Variants in WASHC5 observed in about 807,000 individuals in gnomAD.
WASHC5 encodes the protein WASH complex subunit strumpellin.
Under a neutral mutation model 150.4 loss-of-function variants are expected in WASHC5, and 101 were observed. That is an observed-to-expected ratio of 0.67 (90% CI 0.57 to 0.79). The LOEUF (loss-of-function observed/expected upper bound fraction) is 0.79, where lower values mean the gene tolerates loss of function less well. Ranked by LOEUF, WASHC5 falls within the 30% of genes least tolerant of loss-of-function variation. The pLI is 0.00. For missense variants in WASHC5, 1,195 were observed against 1,396.3 expected (o/e 0.86, Z 2.30); for synonymous variants, 467 against 491.2 (o/e 0.95, Z 0.65).
intron 9 of WASHC5, among the ~76,000 whole-genome samples, chr8:125,069,672 T>C (rs574850123): frequency 6.6e-6 from 1 of 152,328 alleles, no homozygotes; most frequent in Admixed American, 6.5e-5. Flanking sequence ...CGTGACAACC[T>C]GGAAAAGAGG....
chr8:125,052,893 C>T (rs1816286016), intron 17 of WASHC5, among the ~76,000 whole-genome samples: 1 of 152,112 alleles, frequency 6.6e-6, no homozygotes, highest in Non-Finnish European at 1.5e-5. Flanking sequence ...ACCTAATCTA[C>T]CAAACATCAT....
chr8:125,039,765 C>A (rs768660279), intron 24 of WASHC5, 30 bp downstream of exon 24: 2 of 1,446,958 alleles, frequency 1.4e-6, no homozygotes, highest in East Asian at 2.3e-5. Context: ...TCCAAGCCCA[C>A]GGATGGCTGT....
intron 27 of WASHC5, 115 bp downstream of exon 27, chr8:125,032,125 AG>A: frequency 1.7e-6 from 2 of 1,192,018 alleles, no homozygotes; most frequent in South Asian, 2.4e-5. Flanking sequence ...TTTACAGAGA[AG>A]GGTGAGCAAC....
intron 25 of WASHC5, 34 bp downstream of exon 25, chr8:125,038,783 ACCATTCTGTACCC>A: frequency 6.2e-7 from 1 of 1,609,986 alleles, no homozygotes; most frequent in Non-Finnish European, 8.5e-7. Context: ...TGGGCCAAAT[ACCATTCTGTACCC>A]CCATCCCCGC....
rs1563630839 is a variant in WASHC5, at chr8:125,073,188, G to A, written c.1115C>T (p.Ala372Val). ...LLNCLRDCNV[A>V]IRWLMLHTAD... The stretch of plus-strand genomic sequence containing the variant: ...TGTATGAAGCATCAGCCATCGGATG[G>A]CAACATTGCAGTCTCTCAGGCAGTT... Residue 372 changes from alanine (A) to valine (V), a missense_variant, in exon 9 of 29, where the codon GCC becomes GTC. Around this residue, in one of 3 missense-constraint regions of WASHC5, gnomAD observed 997 missense variants for 1,168.1 expected, o/e 0.85. Transcript: ENST00000318410. 1 of 1,614,120 alleles carries A rather than the reference G, an allele frequency of 6.2e-7. No individual in the cohort carries two copies.
At chr8:125,045,145 G>C (rs1816024367) in intron 20 of WASHC5, among the ~76,000 whole-genome samples, 1 of 152,178 alleles carries the variant, frequency 6.6e-6, no homozygotes, top group Non-Finnish European at 1.5e-5. Context: ...CCTAACATTT[G>C]AGACTATGAC....
At chr8:125,044,751 AGAGATGTTAGGACTCAACAG>A (rs1403003192) in intron 20 of WASHC5, 53 bp from the exon 21 acceptor site, 2 of 1,574,220 alleles carry the variant, frequency 1.3e-6, no homozygotes, top group East Asian at 4.5e-5. Flanking sequence ...TCATCCTTAA[AGAGATGTTAGGACTCAACAG>A]GACATGCGGC....
At chr8:125,067,826 T>G in intron 9 of WASHC5, 107 bp from the exon 10 acceptor site, 1 of 1,192,396 alleles carries the variant, frequency 8.4e-7, no homozygotes. Flanking sequence ...TAAAAAGTAA[T>G]AAGCAAAATG....
intron 23 of WASHC5, among the ~76,000 whole-genome samples, chr8:125,041,268 G>A (rs1815876713): frequency 6.6e-6 from 1 of 152,176 alleles, no homozygotes; most frequent in African/African-American, 2.4e-5. Context: ...GGGAGGTGGG[G>A]AGAGGAGGGA....
chr8:125,044,610 G>C lies in WASHC5; in HGVS notation c.2593C>G (p.Gln865Glu), dbSNP rs748173293. The C allele has an allele frequency of 6.2e-7, 1 of 1,614,068 alleles. No individual in the cohort carries two copies. The highest frequency in any genetic ancestry group is 2.2e-5 in the East Asian group (1 of 44,890). The change falls in exon 21 of 29, where the codon CAG becomes GAG. Residue 865 changes from glutamine to glutamate, a missense_variant. Coordinates refer to ENST00000318410, the MANE Select transcript of WASHC5 (RefSeq NM_014846.4). ...AGACCAAAGGTTCCCAAGGTGGTCT[G>C]GATTTCTGAGAAGAGGCGGCTGCTG... Reference protein sequence around the residue: ...VTSSRLFSEIQTTLGTFGLNG... With the variant: ...VTSSRLFSEIETTLGTFGLNG...
At chr8:125,028,512 C>T in intron 28 of WASHC5, 108 bp downstream of exon 28, 1 of 746,576 alleles carries the variant, frequency 1.3e-6, no homozygotes, top group Non-Finnish European at 2.4e-6. Context: ...GGCGCAGAGG[C>T]ATCTACTGTG....
chr8:125,035,348 AT>A (rs1815669582), intron 26 of WASHC5, among the ~76,000 whole-genome samples: 1 of 152,228 alleles, frequency 6.6e-6, no homozygotes, highest in Non-Finnish European at 1.5e-5. Context: ...TGAAAAAAAA[AT>A]TAGAATGAGA....
intron 11 of WASHC5, 87 bp downstream of exon 11, chr8:125,063,433 TAA>T (rs1041772096): frequency 3.8e-6 from 5 of 1,328,092 alleles, no homozygotes; most frequent in African/African-American, 2.9e-5. Flanking sequence ...AATGAGAACA[TAA>T]AGTCTTTTTA....
At chr8:125,028,482 G>C (rs749895280) in intron 28 of WASHC5, 138 bp downstream of exon 28, 4 of 657,678 alleles carry the variant, frequency 6.1e-6, no homozygotes, top group Non-Finnish European at 1.1e-5. Flanking sequence ...TTCAGAGCTG[G>C]GGGTAGAGCA....
In WASHC5 at chr8:125,059,227, G is replaced by C. The variant is rs1816507994; in HGVS notation, c.1759C>G (p.Leu587Val). 1 of 1,610,964 alleles carries C rather than the reference G, an allele frequency of 6.2e-7. No homozygotes were observed. The highest frequency in any genetic ancestry group is 8.5e-7 in the Non-Finnish European group (1 of 1,177,200). Residue 587 changes from leucine (L) to valine (V), a missense_variant, in exon 14 of 29, where the codon CTA (leucine) becomes GTA (valine). Physicochemically the swap from Leu to Val is conservative, Grantham distance 32 (BLOSUM62 1). Around this residue, in one of 3 missense-constraint regions of WASHC5, gnomAD observed 997 missense variants for 1,168.1 expected, o/e 0.85. Coordinates refer to ENST00000318410, the MANE Select transcript of WASHC5 (RefSeq NM_014846.4). ...SMVTKLRATF[L>V]KLASALDLPL... Reference sequence around the variant, plus strand: ...TCTCACTGTTTTTTGCTTACCTTTAGGAAGGTAGCTCTGAGTTTAGTAACC... The same window carrying C: ...TCTCACTGTTTTTTGCTTACCTTTACGAAGGTAGCTCTGAGTTTAGTAACC...
chr8:125,071,523 CATTTCTGTAGTCTAGA>C (rs1188748258), intron 9 of WASHC5, among the ~76,000 whole-genome samples: 1 of 152,180 alleles, frequency 6.6e-6, no homozygotes, highest in Non-Finnish European at 1.5e-5. Flanking sequence ...CTTATTCCAT[CATTTCTGTAGTCTAGA>C]ATTTCTTCTG....
At chr8:125,054,917 A>G (rs1241980420) in intron 17 of WASHC5, among the ~76,000 whole-genome samples, 1 of 151,984 alleles carries the variant, frequency 6.6e-6, no homozygotes, top group African/African-American at 2.4e-5. Flanking sequence ...AGAGAGAAGA[A>G]TAAAGCAATT....
chr8:125,059,320 A>G (rs375519109), intron 13 of WASHC5, 23 bp from the exon 14 acceptor site: 243 of 1,613,452 alleles, frequency 1.5e-4, no homozygotes, highest in Non-Finnish European at 2.0e-4. Flanking sequence ...AAGAAACGGT[A>G]AGAAGATGTT....
rs398123007 is a variant in WASHC5, at chr8:125,032,239, A to T, written c.3335+2T>A. The T allele has an allele frequency of 1.9e-6, 3 of 1,614,062 alleles. No homozygotes were observed. The highest frequency in any genetic ancestry group is 1.7e-5 in the Admixed American group (1 of 60,008). On this transcript the variant is annotated splice_donor_variant, in intron 27 of 28. Transcript: ENST00000318410. LOFTEE classifies it high-confidence loss of function. ...CACGTAGTCCTGGTTGGTCTTCTGT[A>T]CCTTGTACACTGCTCCACCGTGGAG...
Sources: gnomAD v4.1 joint callset for allele counts (sites outside exome capture counted in the v4.1 genomes callset) on GRCh38, gnomAD v4.1.1 for gene constraint, gnomAD v4.1.1 regional missense constraint, MANE v1.5 for transcripts, NCBI Gene and HGNC (gene_info 2026-07-23, HGNC 2026-07-21) for gene names.